The following DPF3 variants were observed in gnomAD, a reference collection of about 807,000 sequenced individuals.
DPF3 encodes double PHD fingers 3.
DPF3 carries 18 observed loss-of-function variants against 56.8 expected under a neutral mutation model. That is an observed-to-expected ratio of 0.32 (90% CI 0.22 to 0.47). DPF3 has a LOEUF of 0.47. Among genes scored for constraint, DPF3 ranks in the 20% least tolerant of loss-of-function variants. DPF3 has a pLI of 1.00. For missense variants in DPF3, 403 were observed against 488.8 expected (o/e 0.82, Z 1.65); for synonymous variants, 188 against 180.2 (o/e 1.04, Z -0.35).
In DPF3 at chr14:72,723,542, G is replaced by C. The variant is rs1363028114; in HGVS notation, c.525+91C>G. ...GTTCTCCATGTAAGACCATGGCCATGATTTCCATCTAGCTGCAGTGGAGAT... is the reference window on the plus strand; with the variant it reads ...GTTCTCCATGTAAGACCATGGCCATCATTTCCATCTAGCTGCAGTGGAGAT... On this transcript the variant is annotated intron_variant, in intron 5 of 10. Coordinates refer to ENST00000556509, the MANE Select transcript of DPF3 (RefSeq NM_001280542.3). 7.3e-6 allele frequency: 8 copies of C among 1,100,372 alleles called. No homozygotes were observed. In the African/African-American group the frequency reaches 9.8e-5, roughly 13 times the overall value. The allele number at this position is 1,100,372 out of a possible 1,614,324, so 68.2% of individuals were successfully genotyped here.
intron 1 of DPF3, among the ~76,000 whole-genome samples, chr14:72,811,560 A>T (rs1052327921): frequency 1.3e-5 from 2 of 152,164 alleles, no homozygotes; most frequent in African/African-American, 4.8e-5. Flanking sequence ...CAGCCACCCT[A>T]ACAAACTAAT....
intron 6 of DPF3, among the ~76,000 whole-genome samples, chr14:72,706,842 A>G (rs1464561272): frequency 6.6e-6 from 1 of 151,598 alleles, no homozygotes; most frequent in East Asian, 1.9e-4. Context: ...TATTATTATT[A>G]TACTTTAAGT....
chr14:72,643,399 A>G (rs56024142), intron 8 of DPF3, among the ~76,000 whole-genome samples: 3,688 of 152,306 alleles, frequency 0.024, 61 homozygotes, highest in Non-Finnish European at 0.039. Flanking sequence ...TGCTTACATG[A>G]GGCAGAGGAC....
chr14:72,639,278 A>G (rs1173336227), intron 8 of DPF3, among the ~76,000 whole-genome samples: 2 of 152,208 alleles, frequency 1.3e-5, no homozygotes, highest in East Asian at 3.9e-4. Context: ...TCAAAGAGGA[A>G]TGAGGCATGA....
intron 1 of DPF3, among the ~76,000 whole-genome samples, chr14:72,829,536 C>G (rs975695514): frequency 2.0e-5 from 3 of 149,018 alleles, no homozygotes; most frequent in Non-Finnish European, 4.5e-5. Flanking sequence ...AGGTGCCCAC[C>G]ACCACGCCCA....
intron 9 of DPF3, among the ~76,000 whole-genome samples, chr14:72,622,816 C>T (rs1298456269): frequency 6.6e-6 from 1 of 152,150 alleles, no homozygotes; most frequent in Non-Finnish European, 1.5e-5. Flanking sequence ...AAATCCCTGA[C>T]CATGTGAGAG....
chr14:72,657,248 A>G (rs1886084333), intron 8 of DPF3, among the ~76,000 whole-genome samples: 1 of 152,170 alleles, frequency 6.6e-6, no homozygotes, highest in Non-Finnish European at 1.5e-5. Context: ...GGCCCCACTC[A>G]TTGTCTCCTA....
chr14:72,794,754 C>T (rs1892569990), intron 1 of DPF3, among the ~76,000 whole-genome samples: 1 of 152,096 alleles, frequency 6.6e-6, no homozygotes, highest in Non-Finnish European at 1.5e-5. Context: ...CACAAATGTA[C>T]GATTTTACGG....
At chr14:72,810,733 C>A (rs1412174438) in intron 1 of DPF3, among the ~76,000 whole-genome samples, 2 of 152,210 alleles carry the variant, frequency 1.3e-5, no homozygotes, top group East Asian at 3.9e-4. Flanking sequence ...TCAGCCAGGC[C>A]TGGCACACTG....
At chr14:72,850,257 A>G (rs767144562) in intron 1 of DPF3, among the ~76,000 whole-genome samples, 12 of 152,102 alleles carry the variant, frequency 7.9e-5, no homozygotes, top group Non-Finnish European at 1.3e-4. Flanking sequence ...GAATGTGAAC[A>G]TCCTCCCTGG....
intron 1 of DPF3, among the ~76,000 whole-genome samples, chr14:72,858,396 G>A (rs907644885): frequency 1.6e-4 from 15 of 92,854 alleles, no homozygotes; most frequent in African/African-American, 4.1e-4. Context: ...ACAGGCTACA[G>A]AGAGAGCAGG....
intron 1 of DPF3, among the ~76,000 whole-genome samples, chr14:72,890,414 C>G: frequency 6.6e-6 from 1 of 151,816 alleles, no homozygotes; most frequent in East Asian, 1.9e-4. Context: ...TCACTTGAAC[C>G]CAGGAGGCAG....
chr14:72,627,625 T>C (rs968963034), intron 9 of DPF3, among the ~76,000 whole-genome samples: 6 of 152,110 alleles, frequency 3.9e-5, no homozygotes, highest in Non-Finnish European at 8.8e-5. Flanking sequence ...TTTTCTTGCC[T>C]ATTTTTGCAT....
chr14:72,865,078 G>C (rs1885609244), intron 1 of DPF3, among the ~76,000 whole-genome samples: 1 of 152,206 alleles, frequency 6.6e-6, no homozygotes, highest in South Asian at 2.1e-4. Flanking sequence ...AAGTGTGAGG[G>C]AGGACATCCA....
At chr14:72,865,923 T>A (rs1885644472) in intron 1 of DPF3, among the ~76,000 whole-genome samples, 1 of 152,150 alleles carries the variant, frequency 6.6e-6, no homozygotes, top group Non-Finnish European at 1.5e-5. Context: ...GATGTGCACC[T>A]GTAATCCCAG....
At chr14:72,879,029 G>A (rs1430979315) in intron 1 of DPF3, among the ~76,000 whole-genome samples, 3 of 152,238 alleles carry the variant, frequency 2.0e-5, no homozygotes, top group African/African-American at 7.2e-5. Flanking sequence ...TGCAGGCTTC[G>A]CTCACTCAAC....
At chr14:72,892,335 A>C in intron 1 of DPF3, 1 of 1,535,358 alleles carries the variant, frequency 6.5e-7, no homozygotes, top group Non-Finnish European at 8.7e-7. Flanking sequence ...TTATTCTGCC[A>C]TAAAACATTT....
At chr14:72,772,577 A>T (rs1891579141) in intron 1 of DPF3, among the ~76,000 whole-genome samples, 1 of 152,230 alleles carries the variant, frequency 6.6e-6, no homozygotes, top group Non-Finnish European at 1.5e-5. Context: ...CATGGAGTTT[A>T]AAAAACAAAT....
At chr14:72,779,481 C>G (rs964015848) in intron 1 of DPF3, among the ~76,000 whole-genome samples, 7 of 152,200 alleles carry the variant, frequency 4.6e-5, no homozygotes, top group African/African-American at 1.7e-4. Context: ...GGTTCCTCTG[C>G]TGGGCTGGGG....
Sources: gnomAD v4.1 joint callset for allele counts (sites outside exome capture counted in the v4.1 genomes callset) on GRCh38, gnomAD v4.1.1 for gene constraint, MANE v1.5 for transcripts, NCBI Gene and HGNC (gene_info 2026-07-23, HGNC 2026-07-21) for gene names.